SHROOM4: variants seen among roughly 807,000 people sequenced by gnomAD.
SHROOM4 encodes the protein shroom family member 4, also known as protein Shroom4.
Under a neutral mutation model 80.3 loss-of-function variants are expected in SHROOM4, and 17 were observed. That is an observed-to-expected ratio of 0.21 (90% CI 0.14 to 0.32). The LOEUF (loss-of-function observed/expected upper bound fraction) is 0.32. SHROOM4 is among the 10% of genes least tolerant of loss of function. The probability of loss-of-function intolerance (pLI) is 1.00; values close to 1 mark genes in which losing one functional copy is unlikely to be tolerated. For synonymous variants in SHROOM4, 400 were observed against 437.5 expected, an observed-to-expected ratio of 0.91 and a Z score of 1.07; for missense variants, 993 against 1,140.3, an observed-to-expected ratio of 0.87 and a Z score of 1.86.
chrX:50,620,780 T>A (rs1930540043), intron 5 of SHROOM4, among the ~76,000 whole-genome samples: 1 of 111,992 alleles, frequency 8.9e-6, no homozygotes, highest in Non-Finnish European at 1.9e-5. Flanking sequence ...TACTTTTCCA[T>A]GCAATGATTT....
At chrX:50,798,128 C>T (rs139388348) in intron 1 of SHROOM4, among the ~76,000 whole-genome samples, 1 of 110,199 alleles carries the variant, frequency 9.1e-6, no homozygotes, top group East Asian at 2.9e-4. Flanking sequence ...TTGTAGGGGC[C>T]GAGAGGGTCA....
At chrX:50,804,911 C>T (rs782257870) in intron 1 of SHROOM4, among the ~76,000 whole-genome samples, 4 of 110,278 alleles carry the variant, frequency 3.6e-5, no homozygotes, top group African/African-American at 6.6e-5. Context: ...CCTTCCTGAT[C>T]GCCAATTTAA....
At chrX:50,794,920 A>ATG (rs1323394874) in intron 1 of SHROOM4, among the ~76,000 whole-genome samples, 18 of 98,447 alleles carry the variant, frequency 1.8e-4, no homozygotes, top group African/African-American at 6.3e-4. Flanking sequence ...ATATATATAT[A>ATG]TGTGTATGTG....
At chrX:50,698,388 G>A (rs898582855) in intron 1 of SHROOM4, among the ~76,000 whole-genome samples, 3 of 111,098 alleles carry the variant, frequency 2.7e-5, no homozygotes, top group Non-Finnish European at 5.7e-5. Context: ...TAAGAGATAT[G>A]TTAAGTGAAA....
At chrX:50,584,406 G>A (rs1376142432), downstream of SHROOM4, among the ~76,000 whole-genome samples, 3 of 111,657 alleles carry the variant, frequency 2.7e-5, no homozygotes, top group African/African-American at 9.8e-5. Context: ...GGCATAGATG[G>A]GCATGCAGAG....
rs191616548 is a variant in SHROOM4, at chrX:50,696,043, G to A, written c.118-106C>T. ...GAGCCACAAGTAGTACTGGGGAATG[G>A]CTCCAGGCAGCTCCTGGGAGTAGCT... is the stretch of plus-strand genomic sequence containing the variant. On this transcript the variant is annotated intron_variant, in intron 1 of 8. Transcript: ENST00000376020. The A allele has an allele frequency of 1.5e-5, 13 of 872,127 alleles. No individual in the cohort carries two copies. The East Asian group carries it at 3.5e-4, about 24-fold the overall frequency. 71.9% of individuals were successfully genotyped at this position (872,127 alleles called of 1,213,427 possible). A position where few individuals can be genotyped will look rare whatever the true frequency, so the allele number is the denominator to read the frequency against.
At chrX:50,745,824 TGTTCTTA>T (rs1322287911) in intron 1 of SHROOM4, among the ~76,000 whole-genome samples, 12 of 111,928 alleles carry the variant, frequency 1.1e-4, no homozygotes, top group African/African-American at 3.9e-4. Context: ...AAATGCCAAT[TGTTCTTA>T]CCAAGGTTCC....
intron 1 of SHROOM4, among the ~76,000 whole-genome samples, chrX:50,757,151 G>A (rs782197143): frequency 1.6e-4 from 18 of 112,061 alleles, no homozygotes; most frequent in Non-Finnish European, 3.0e-4. Context: ...GTACACTTTT[G>A]AGTTAATTGG....
At chrX:50,602,834 C>T (rs1929492009) in intron 6 of SHROOM4, 21 bp from the exon 7 acceptor site, 1 of 1,191,926 alleles carries the variant, frequency 8.4e-7, no homozygotes, top group Admixed American at 2.2e-5. Context: ...AAAGAATGAC[C>T]ATTTGAGCAC....
intron 1 of SHROOM4, among the ~76,000 whole-genome samples, chrX:50,789,056 T>C (rs1228894077): frequency 1.8e-5 from 2 of 111,792 alleles, no homozygotes; most frequent in Non-Finnish European, 3.8e-5. Flanking sequence ...ATAGCAATAC[T>C]ATAATAGTAG....
chrX:50,755,459 C>T (rs782014444), intron 1 of SHROOM4, among the ~76,000 whole-genome samples: 3 of 111,650 alleles, frequency 2.7e-5, no homozygotes, highest in Non-Finnish European at 3.8e-5. Flanking sequence ...TATAGCTACT[C>T]GGTCCTTCTC....
chrX:50,756,325 A>T (rs782045577), intron 1 of SHROOM4, among the ~76,000 whole-genome samples: 1 of 112,172 alleles, frequency 8.9e-6, no homozygotes, highest in South Asian at 3.7e-4. Flanking sequence ...ATACTGCTTC[A>T]TTTCTTTTCA....
intron 1 of SHROOM4, among the ~76,000 whole-genome samples, chrX:50,803,250 C>T (rs1420260599): frequency 8.9e-6 from 1 of 112,557 alleles, no homozygotes; most frequent in East Asian, 2.8e-4. Flanking sequence ...AGAATATGCA[C>T]TATAAAGTAT....
chrX:50,668,835 T>TA (rs1481406742), intron 2 of SHROOM4, among the ~76,000 whole-genome samples: 2 of 112,357 alleles, frequency 1.8e-5, no homozygotes, highest in African/African-American at 6.5e-5. Flanking sequence ...ATATTCAAAA[T>TA]AAAAAAACAA....
In SHROOM4 at chrX:50,682,488, G is replaced by A. The variant is rs1932963811; in HGVS notation, c.269+13298C>T. On this transcript the variant is annotated intron_variant, in intron 2 of 8. Transcript: ENST00000376020. ...ACTATGATCACTATACTTAAGATAG[G>A]AGGAAAAACAACACATGGACACTGC... Among the ~76,000 whole-genome samples, 3 of 111,608 alleles carry A rather than the reference G, an allele frequency of 2.7e-5. No individual in the cohort carries two copies. In the Admixed American group the frequency reaches 2.9e-4, roughly 11 times the overall value.
intron 1 of SHROOM4, among the ~76,000 whole-genome samples, chrX:50,737,030 T>C: frequency 8.9e-6 from 1 of 112,046 alleles, no homozygotes; most frequent in Non-Finnish European, 1.9e-5. Flanking sequence ...GAATATTTTG[T>C]TGTGTTTGCA....
chrX:50,638,133 C>T (rs1336652223), intron 3 of SHROOM4, 41 bp downstream of exon 3: 1 of 1,185,254 alleles, frequency 8.4e-7, no homozygotes, highest in Non-Finnish European at 1.1e-6. Flanking sequence ...TCCAAGGTGT[C>T]TACCCTCCAG....
rs782292369 is a variant in SHROOM4, at chrX:50,588,353, T to C, written c.*8342A>G. 7.1e-5 allele frequency among the ~76,000 whole-genome samples: 8 copies of C among 112,230 alleles called. No homozygotes were observed. The highest frequency in any genetic ancestry group is 7.4e-4 in the South Asian group (2 of 2,705). On this transcript the variant is annotated 3_prime_UTR_variant, in exon 9 of 9. Coordinates refer to ENST00000376020, the MANE Select transcript of SHROOM4 (RefSeq NM_020717.5). ...CAGAGACCTCATTTGATTCCTACTTTAGCTTTATAATAAAAGTTAACATTC... is the reference window on the plus strand; with the variant it reads ...CAGAGACCTCATTTGATTCCTACTTCAGCTTTATAATAAAAGTTAACATTC...
intron 1 of SHROOM4, among the ~76,000 whole-genome samples, chrX:50,794,631 CACAA>C (rs1557271836): frequency 4.1e-4 from 19 of 46,474 alleles, no homozygotes; most frequent in East Asian, 1.0e-3. Flanking sequence ...CTCTGACACA[CACAA>C]ACACACACAC....
Sources: allele counts gnomAD v4.1 joint callset (sites outside exome capture counted in the v4.1 genomes callset), GRCh38; gene constraint gnomAD v4.1.1; transcripts MANE v1.5; gene names NCBI Gene and HGNC (gene_info 2026-07-23, HGNC 2026-07-21).